Variants in TAS2R39 observed in about 807,000 individuals in gnomAD.
TAS2R39 encodes taste receptor type 2 member 39.
In TAS2R39, 22 loss-of-function variants were observed where a neutral mutation model predicts 20.5. The observed-to-expected ratio is 1.08, with a 90% CI of 0.77 to 1.54. TAS2R39 has a LOEUF of 1.54. Ranked by LOEUF, TAS2R39 falls within the 40% of genes most tolerant of loss-of-function variation. The pLI, the probability that TAS2R39 is intolerant of heterozygous loss-of-function variation, is 0.00. For synonymous variants in TAS2R39, 128 were observed against 147.7 expected (o/e 0.87, Z 0.97); for missense variants, 362 against 398.6 (o/e 0.91, Z 0.78).
In TAS2R39 at chr7:143,183,719, C is replaced by T. The variant is rs1200332570; in HGVS notation, c.301C>T (p.Leu101=). ...MLEITISSTS[L]SFYSEDAVYY... Reference sequence around the variant, plus strand: ...AGAAATTACCATCAGCTCAACCTCCCTAAGTTTTTATTCTGAAGACGCTGT... The same window carrying T: ...AGAAATTACCATCAGCTCAACCTCCTTAAGTTTTTATTCTGAAGACGCTGT... The change falls in exon 1 of 1, where the codon CTA becomes TTA. Residue 101 remains leucine (L), a synonymous_variant. Coordinates refer to ENST00000446620, the MANE Select transcript of TAS2R39 (RefSeq NM_176881.2). 2 of 1,613,360 alleles carry T rather than the reference C, an allele frequency of 1.2e-6. No individual in the cohort carries two copies. Among genetic ancestry groups the T allele is most frequent in the African/African-American group, 1.3e-5 (1 of 74,992 alleles).
rs1799823787 is a variant in TAS2R39, at chr7:143,184,413, A to G, written c.995A>G (p.Tyr332Cys). Reference protein sequence around the residue: ...WKRLQLRLHLYPKEWTL With the variant: ...WKRLQLRLHLCPKEWTL ...CGGCTTCAGCTTCGACTTCATCTTT[A>G]CCCAAAAGAGTGGACTCTGTGACCA... is the stretch of plus-strand genomic sequence containing the variant. The change falls in exon 1 of 1, where the codon TAC becomes TGC. Residue 332 changes from tyrosine (Y) to cysteine (C), a missense_variant. Tyr to Cys is a radical substitution (Grantham distance 194). Coordinates refer to ENST00000446620, the MANE Select transcript of TAS2R39 (RefSeq NM_176881.2). 3 of 1,608,628 alleles carry G rather than the reference A, an allele frequency of 1.9e-6. No homozygotes were observed. In the African/African-American group the frequency reaches 4.0e-5, roughly 22 times the overall value.
rs1799817252 is a variant in TAS2R39, at chr7:143,183,998, A to T, written c.580A>T (p.Asn194Tyr). Residue 194 changes from asparagine to tyrosine, a missense_variant, in exon 1 of 1, where the codon AAC becomes TAC. Asn to Tyr is a moderately radical substitution (Grantham distance 143, BLOSUM62 -2). Transcript: ENST00000446620. ...CAATTCTTTCCCTATCCACTCCTCC[A>T]ACTCCACTAAGAAAACATACTTGTC... ...CNNSFPIHSS[N>Y]STKKTYLSEI... 1 of 1,613,352 alleles carries T rather than the reference A, an allele frequency of 6.2e-7. No individual in the cohort carries two copies. Among genetic ancestry groups the T allele is most frequent in the African/African-American group, 1.3e-5 (1 of 74,808 alleles).
At position 143,183,524 on chromosome 7, in the gene TAS2R39, T is replaced by C. The variant is rs761706557; in HGVS notation, c.106T>C (p.Leu36=). Reference sequence around the variant, plus strand: ...TGAATTGTCGCCATTTCTCATCACCTTAATTTTAGCAGTTTTACTTGCTGA... The same window carrying C: ...TGAATTGTCGCCATTTCTCATCACCCTAATTTTAGCAGTTTTACTTGCTGA... ...ESELSPFLIT[L]ILAVLLAEYL... is the part of the protein sequence containing the mutation. The change falls in exon 1 of 1, where the codon TTA becomes CTA. Residue 36 remains leucine (L), a synonymous_variant. Transcript: ENST00000446620. 18 of 1,613,270 alleles carry C rather than the reference T, an allele frequency of 1.1e-5. No individual in the cohort carries two copies. The highest frequency in any genetic ancestry group is 1.5e-5 in the Non-Finnish European group (18 of 1,179,472).
rs1273750734 is a variant in TAS2R39 at position 143,184,362 on chromosome 7, A to C, written c.944A>C (p.Asn315Thr). 1.9e-6 allele frequency: 3 copies of C among 1,613,406 alleles called. No individual in the cohort carries two copies. Among genetic ancestry groups the C allele is most frequent in the Non-Finnish European group, 2.5e-6 (3 of 1,179,582 alleles). Residue 315 changes from asparagine (N) to threonine (T), a missense_variant, in exon 1 of 1, where the codon AAC becomes ACC. By Grantham distance (65) the Asn-to-Thr change is moderately conservative (BLOSUM62 0). Coordinates refer to ENST00000446620, the MANE Select transcript of TAS2R39 (RefSeq NM_176881.2). The stretch of plus-strand genomic sequence containing the variant: ...CACTCAATTCTACTGATTCAAGATA[A>C]CCCTGGGCTGAGAAGAGCCTGGAAG... ...ASHSILLIQDNPGLRRAWKRL... is the reference protein window; with the variant it reads ...ASHSILLIQDTPGLRRAWKRL...
In TAS2R39 at chr7:143,183,916, G is replaced by A; in HGVS notation, c.498G>A (p.Val166=). The A allele has an allele frequency of 6.2e-7, 1 of 1,613,466 alleles. No homozygotes were observed. Among genetic ancestry groups the A allele is most frequent in the Non-Finnish European group, 8.5e-7 (1 of 1,179,586 alleles). Reference sequence around the variant, plus strand: ...TACCCTGGCTTCTGTGGCTGTCCGTGTTTATTTCCTTCAGTCACAGCATGT... The same window carrying A: ...TACCCTGGCTTCTGTGGCTGTCCGTATTTATTTCCTTCAGTCACAGCATGT... ...GLIPWLLWLS[V]FISFSHSMFC... The change falls in exon 1 of 1, where the codon GTG becomes GTA. Residue 166 remains valine, a synonymous_variant. Coordinates refer to ENST00000446620, the MANE Select transcript of TAS2R39 (RefSeq NM_176881.2).
rs1799809848 is a variant in TAS2R39 at position 143,183,558 on chromosome 7, T to C, written c.140T>C (p.Ile47Thr). ...ILAVLLAEYL[I>T]GIIANGFIMA... ...GCAGTTTTACTTGCTGAATACCTCA[T>C]TGGTATCATTGCAAATGGTTTCATC... is the stretch of plus-strand genomic sequence containing the variant. Residue 47 changes from isoleucine to threonine, a missense_variant, in exon 1 of 1, where the codon ATT (isoleucine) becomes ACT (threonine). Transcript: ENST00000446620. The C allele has an allele frequency of 1.9e-6, 3 of 1,613,390 alleles. No individual in the cohort carries two copies. Among genetic ancestry groups the C allele is most frequent in the African/African-American group, 1.3e-5 (1 of 74,862 alleles).
In TAS2R39 at chr7:143,184,127, A is replaced by C. The variant is rs1586388244; in HGVS notation, c.709A>C (p.Arg237=). ...CACCCTGCTGATCCTCTCTCTCAAGAGACACACCCTACACATGGGAAGCAA... is the reference window on the plus strand; with the variant it reads ...CACCCTGCTGATCCTCTCTCTCAAGCGACACACCCTACACATGGGAAGCAA... ...TATLLILSLK[R]HTLHMGSNAT... Residue 237 remains arginine, a synonymous_variant, in exon 1 of 1, where the codon AGA becomes CGA. Transcript: ENST00000446620. The C allele has an allele frequency of 6.2e-7, 1 of 1,613,722 alleles. No individual in the cohort carries two copies. Among genetic ancestry groups the C allele is most frequent in the East Asian group, 2.2e-5 (1 of 44,876 alleles).
rs746097032 is a variant in TAS2R39, at chr7:143,183,642, T to A, written c.224T>A (p.Ile75Asn). The A allele has an allele frequency of 6.2e-7, 1 of 1,613,598 alleles. No homozygotes were observed. The highest frequency in any genetic ancestry group is 2.2e-5 in the East Asian group (1 of 44,882). Residue 75 changes from isoleucine to asparagine, a missense_variant, in exon 1 of 1, where the codon ATC (isoleucine) becomes AAC (asparagine). Ile to Asn is a moderately radical substitution (Grantham distance 149, BLOSUM62 -3). Transcript: ENST00000446620. Reference sequence around the variant, plus strand: ...AAGGCAGTTTCCACAAGTGGCAGGATCCTGGTTTTCCTGAGTGTATCCAGA... The same window carrying A: ...AAGGCAGTTTCCACAAGTGGCAGGAACCTGGTTTTCCTGAGTGTATCCAGA... ...QNKAVSTSGR[I>N]LVFLSVSRIA...
chr7:143,183,860 C>G lies in TAS2R39; in HGVS notation c.442C>G (p.Leu148Val). 6.2e-7 allele frequency: 1 copy of G among 1,613,462 alleles called. No homozygotes were observed. The highest frequency in any genetic ancestry group is 1.1e-5 in the South Asian group (1 of 91,072). The stretch of plus-strand genomic sequence containing the variant: ...TGCCAATTTCTCCTACCCCCTTTTC[C>G]TCAAACTGAGGTGGAGAATTACTGG... ...KIANFSYPLF[L>V]KLRWRITGLI... Residue 148 changes from leucine (L) to valine (V), a missense_variant, in exon 1 of 1, where the codon CTC becomes GTC. Leu to Val is a conservative substitution (Grantham distance 32, BLOSUM62 1). Transcript: ENST00000446620.
rs769902858 is a variant in TAS2R39, at chr7:143,183,518, A to C, written c.100A>C (p.Ile34Leu). The C allele has an allele frequency of 6.2e-7, 1 of 1,613,384 alleles. No individual in the cohort carries two copies. The highest frequency in any genetic ancestry group is 8.5e-7 in the Non-Finnish European group (1 of 1,179,428). Residue 34 changes from isoleucine to leucine, a missense_variant, in exon 1 of 1, where the codon ATC becomes CTC. Physicochemically the swap from Ile to Leu is conservative, Grantham distance 5. Transcript: ENST00000446620. ...PAESELSPFLITLILAVLLAE... is the reference protein window; with the variant it reads ...PAESELSPFLLTLILAVLLAE... ...AGAAAGTGAATTGTCGCCATTTCTC[A>C]TCACCTTAATTTTAGCAGTTTTACT...
Position 143,184,338 on chromosome 7 carries a change from A to C in TAS2R39, c.920A>C (p.His307Pro). The C allele has an allele frequency of 1.9e-6, 3 of 1,613,564 alleles. No individual in the cohort carries two copies. The highest frequency in any genetic ancestry group is 2.5e-6 in the Non-Finnish European group (3 of 1,179,642). ...QIIMAAYPAS[H>P]SILLIQDNPG... ...ATCATGGCTGCCTACCCTGCCAGCCACTCAATTCTACTGATTCAAGATAAC... is the reference window on the plus strand; with the variant it reads ...ATCATGGCTGCCTACCCTGCCAGCCCCTCAATTCTACTGATTCAAGATAAC... Residue 307 changes from histidine (H) to proline (P), a missense_variant, in exon 1 of 1, where the codon CAC (histidine) becomes CCC (proline). Coordinates refer to ENST00000446620, the MANE Select transcript of TAS2R39 (RefSeq NM_176881.2).
the TAS2R39 span, chr7:143,183,884 G>T: frequency 1.9e-6 from 3 of 1,613,430 alleles, no homozygotes; most frequent in East Asian, 4.5e-5. Context: ...GAGAATTACT[G>T]GATTGATACC....
At position 143,183,527 on chromosome 7, in the gene TAS2R39, A is replaced by G; in HGVS notation, c.109A>G (p.Ile37Val). The part of the protein sequence containing the change: ...SELSPFLITL[I>V]LAVLLAEYLI... ...ATTGTCGCCATTTCTCATCACCTTA[A>G]TTTTAGCAGTTTTACTTGCTGAATA... The change falls in exon 1 of 1, where the codon ATT (isoleucine) becomes GTT (valine). Residue 37 changes from isoleucine (I) to valine (V), a missense_variant. Transcript: ENST00000446620. 2 of 1,613,340 alleles carry G rather than the reference A, an allele frequency of 1.2e-6. No homozygotes were observed. Among genetic ancestry groups the G allele is most frequent in the Non-Finnish European group, 1.7e-6 (2 of 1,179,462 alleles).
At position 143,184,388 on chromosome 7, in the gene TAS2R39, C is replaced by A. The variant is rs749967220; in HGVS notation, c.970C>A (p.Arg324=). ...DNPGLRRAWK[R]LQLRLHLYPK... ...CCCTGGGCTGAGAAGAGCCTGGAAGCGGCTTCAGCTTCGACTTCATCTTTA... is the reference window on the plus strand; with the variant it reads ...CCCTGGGCTGAGAAGAGCCTGGAAGAGGCTTCAGCTTCGACTTCATCTTTA... Residue 324 remains arginine (R), a synonymous_variant, in exon 1 of 1, where the codon CGG becomes AGG. Transcript: ENST00000446620. The A allele has an allele frequency of 1.8e-5, 29 of 1,612,396 alleles. No homozygotes were observed. Among genetic ancestry groups the A allele is most frequent in the Non-Finnish European group, 2.3e-5 (27 of 1,179,148 alleles).
chr7:143,184,255 T>A lies in TAS2R39; in HGVS notation c.837T>A (p.Phe279Leu). Residue 279 changes from phenylalanine to leucine, a missense_variant, in exon 1 of 1, where the codon TTT (phenylalanine) becomes TTA (leucine). Phe to Leu is a conservative substitution (Grantham distance 22, BLOSUM62 0). Coordinates refer to ENST00000446620, the MANE Select transcript of TAS2R39 (RefSeq NM_176881.2). ...ILYIFNAVALFIYLSNMFDIN... is the reference protein window; with the variant it reads ...ILYIFNAVALLIYLSNMFDIN... ...ACATTTTCAATGCAGTTGCTCTGTT[T>A]ATCTACCTGTCCAACATGTTTGACA... 6.2e-7 allele frequency: 1 copy of A among 1,613,790 alleles called. No homozygotes were observed. Among genetic ancestry groups the A allele is most frequent in the South Asian group, 1.1e-5 (1 of 91,084 alleles).
chr7:143,184,359 A>G lies in TAS2R39; in HGVS notation c.941A>G (p.Asp314Gly). 6.2e-7 allele frequency: 1 copy of G among 1,613,520 alleles called. No individual in the cohort carries two copies. Among genetic ancestry groups the G allele is most frequent in the Non-Finnish European group, 8.5e-7 (1 of 1,179,642 alleles). ...AGCCACTCAATTCTACTGATTCAAG[A>G]TAACCCTGGGCTGAGAAGAGCCTGG... Reference protein sequence around the residue: ...PASHSILLIQDNPGLRRAWKR... With the variant: ...PASHSILLIQGNPGLRRAWKR... Residue 314 changes from aspartate (D) to glycine (G), a missense_variant, in exon 1 of 1, where the codon GAT becomes GGT. Coordinates refer to ENST00000446620, the MANE Select transcript of TAS2R39 (RefSeq NM_176881.2).
chr7:143,183,604 A>G lies in TAS2R39; in HGVS notation c.186A>G (p.Glu62=), dbSNP rs1177874604. ...NGFIMAIHAA[E]WVQNKAVSTS... ...TCATCATGGCTATACATGCAGCTGAATGGGTTCAAAATAAGGCAGTTTCCA... is the reference window on the plus strand; with the variant it reads ...TCATCATGGCTATACATGCAGCTGAGTGGGTTCAAAATAAGGCAGTTTCCA... The change falls in exon 1 of 1, where the codon GAA becomes GAG. Residue 62 remains glutamate (E), a synonymous_variant. Coordinates refer to ENST00000446620, the MANE Select transcript of TAS2R39 (RefSeq NM_176881.2). 1 of 1,613,412 alleles carries G rather than the reference A, an allele frequency of 6.2e-7. No homozygotes were observed. Among genetic ancestry groups the G allele is most frequent in the Non-Finnish European group, 8.5e-7 (1 of 1,179,580 alleles).
chr7:143,183,567 T>C lies in TAS2R39; in HGVS notation c.149T>C (p.Ile50Thr), dbSNP rs753302196. The C allele has an allele frequency of 3.7e-6, 6 of 1,613,522 alleles. No homozygotes were observed. The highest frequency in any genetic ancestry group is 2.2e-5 in the South Asian group (2 of 91,076). The change falls in exon 1 of 1, where the codon ATT (isoleucine) becomes ACT (threonine). Residue 50 changes from isoleucine to threonine, a missense_variant. Coordinates refer to ENST00000446620, the MANE Select transcript of TAS2R39 (RefSeq NM_176881.2). ...VLLAEYLIGIIANGFIMAIHA... is the reference protein window; with the variant it reads ...VLLAEYLIGITANGFIMAIHA... ...CTTGCTGAATACCTCATTGGTATCA[T>C]TGCAAATGGTTTCATCATGGCTATA...
Position 143,183,772 on chromosome 7 carries a change from A to G in TAS2R39, c.354A>G (p.Ile118Met), listed in dbSNP as rs1210479591. Residue 118 changes from isoleucine to methionine, a missense_variant, in exon 1 of 1, where the codon ATA (isoleucine) becomes ATG (methionine). Transcript: ENST00000446620. The part of the protein sequence containing the change: ...AVYYAFKISF[I>M]FLNFCSLWFA... ...ATTATGCATTCAAAATAAGTTTTATATTCTTAAATTTTTGTAGCCTGTGGT... is the reference window on the plus strand; with the variant it reads ...ATTATGCATTCAAAATAAGTTTTATGTTCTTAAATTTTTGTAGCCTGTGGT... 1.2e-6 allele frequency: 2 copies of G among 1,613,330 alleles called. No homozygotes were observed. Among genetic ancestry groups the G allele is most frequent in the East Asian group, 2.2e-5 (1 of 44,878 alleles).
Sources: gnomAD v4.1 joint callset for allele counts on GRCh38, gnomAD v4.1.1 for gene constraint, MANE v1.5 for transcripts, NCBI Gene and HGNC (gene_info 2026-07-23, HGNC 2026-07-21) for gene names.